NLGN1: variants seen among roughly 807,000 people sequenced by gnomAD.
NLGN1 encodes neuroligin 1.
A neutral mutation model predicts 65.5 loss-of-function variants in NLGN1; 12 were observed. The ratio of observed to expected loss-of-function variants is 0.18; its 90% confidence interval spans 0.12 to 0.30. The LOEUF (loss-of-function observed/expected upper bound fraction) is 0.30. NLGN1 is among the 10% of genes least tolerant of loss of function. NLGN1 has a pLI of 1.00. For synonymous variants in NLGN1, 350 were observed against 359.5 expected (o/e 0.97, Z 0.30); for missense variants, 750 against 1,007.1 (o/e 0.74, Z 3.46).
chr3:174,167,017 G>A (rs939772220), intron 4 of NLGN1, among the ~76,000 whole-genome samples: 2 of 151,464 alleles, frequency 1.3e-5, no homozygotes, highest in Admixed American at 1.3e-4. Flanking sequence ...ACTCTTTTTT[G>A]TTTTCCTTTT....
intron 4 of NLGN1, among the ~76,000 whole-genome samples, chr3:173,835,920 A>G (rs180965741): frequency 2.0e-3 from 297 of 152,306 alleles, no homozygotes; most frequent in Non-Finnish European, 3.7e-3. Flanking sequence ...TATTTTTACA[A>G]TTCCTATTTC....
At chr3:174,112,387 G>A (rs1715429137) in intron 4 of NLGN1, among the ~76,000 whole-genome samples, 1 of 151,756 alleles carries the variant, frequency 6.6e-6, no homozygotes, top group Admixed American at 6.6e-5. Context: ...AATAATATGA[G>A]AACAAATTGA....
intron 3 of NLGN1, among the ~76,000 whole-genome samples, chr3:173,673,057 T>G (rs1225611759): frequency 6.6e-6 from 1 of 152,230 alleles, no homozygotes; most frequent in Non-Finnish European, 1.5e-5. Flanking sequence ...AGGTTGATGC[T>G]TTTAAGTACT....
chr3:173,954,156 G>A (rs534571355), intron 4 of NLGN1, among the ~76,000 whole-genome samples: 107 of 152,036 alleles, frequency 7.0e-4, no homozygotes, highest in Admixed American at 1.4e-3. Flanking sequence ...AAAAAAATGC[G>A]TATGTTTATT....
intron 4 of NLGN1, among the ~76,000 whole-genome samples, chr3:174,143,964 C>T (rs1018791238): frequency 1.3e-5 from 2 of 152,038 alleles, no homozygotes; most frequent in Admixed American, 6.6e-5. Flanking sequence ...ATGTACAGAG[C>T]ATGCAGGTTT....
At chr3:173,427,973 T>C (rs1716459511) in intron 1 of NLGN1, among the ~76,000 whole-genome samples, 1 of 151,954 alleles carries the variant, frequency 6.6e-6, no homozygotes, top group Non-Finnish European at 1.5e-5. Flanking sequence ...ATATTTGCTT[T>C]ATATATTTTT....
chr3:174,244,057 A>G (rs1376136320), intron 4 of NLGN1, among the ~76,000 whole-genome samples: 1 of 152,240 alleles, frequency 6.6e-6, no homozygotes, highest in Non-Finnish European at 1.5e-5. Flanking sequence ...CTAAGAATAC[A>G]TAATTCATAA....
At chr3:174,202,849 A>G (rs1281825214) in intron 4 of NLGN1, 2 of 152,218 alleles carry the variant, frequency 1.3e-5, no homozygotes, top group African/African-American at 2.4e-5. Flanking sequence ...GAAGTCAATG[A>G]GAGATACACA....
intron 4 of NLGN1, among the ~76,000 whole-genome samples, chr3:174,030,835 G>C (rs1247471260): frequency 6.6e-6 from 1 of 152,072 alleles, no homozygotes; most frequent in Non-Finnish European, 1.5e-5. Context: ...TTTCCCAAAG[G>C]CTCAGGACAT....
intron 1 of NLGN1, among the ~76,000 whole-genome samples, chr3:173,402,727 A>C (rs1717918583): frequency 6.6e-6 from 1 of 152,316 alleles, no homozygotes; most frequent in South Asian, 2.1e-4. Context: ...TCATGGATAT[A>C]TCTCTTTATC....
At chr3:173,461,774 T>C (rs1453611808) in intron 2 of NLGN1, among the ~76,000 whole-genome samples, 5 of 152,154 alleles carry the variant, frequency 3.3e-5, no homozygotes, top group Non-Finnish European at 5.9e-5. Flanking sequence ...AAAATCTCTC[T>C]TCTTCCCTGG....
chr3:173,964,129 A>G (rs1714265109), intron 4 of NLGN1, among the ~76,000 whole-genome samples: 1 of 152,148 alleles, frequency 6.6e-6, no homozygotes, highest in Non-Finnish European at 1.5e-5. Flanking sequence ...AACACATCCT[A>G]TGTGTGGAGA....
intron 4 of NLGN1, among the ~76,000 whole-genome samples, chr3:174,207,871 T>G (rs1399251379): frequency 6.6e-6 from 1 of 152,346 alleles, no homozygotes; most frequent in African/African-American, 2.4e-5. Flanking sequence ...GATGTACAAA[T>G]GAATTTCTCT....
intron 2 of NLGN1, among the ~76,000 whole-genome samples, chr3:173,461,467 A>G (rs1019686842): frequency 6.6e-6 from 1 of 152,154 alleles, no homozygotes; most frequent in Non-Finnish European, 1.5e-5. Flanking sequence ...CATTATATAG[A>G]CATGGATACT....
chr3:173,854,530 A>ATCTCT (rs1727581861), intron 4 of NLGN1, among the ~76,000 whole-genome samples: 1 of 152,124 alleles, frequency 6.6e-6, no homozygotes, highest in Non-Finnish European at 1.5e-5. Flanking sequence ...TTCTCTTCTT[A>ATCTCT]TCTACAAGAT....
At chr3:173,730,991 G>C (rs78741655) in intron 3 of NLGN1, among the ~76,000 whole-genome samples, 1 of 152,066 alleles carries the variant, frequency 6.6e-6, no homozygotes, top group Non-Finnish European at 1.5e-5. Flanking sequence ...TGTGCCTTGA[G>C]AAATCCCTTG....
At chr3:173,623,227 A>G (rs1041815938) in intron 3 of NLGN1, among the ~76,000 whole-genome samples, 3 of 152,150 alleles carry the variant, frequency 2.0e-5, no homozygotes, top group Non-Finnish European at 4.4e-5. Context: ...ATGCAAGTCA[A>G]CAATACTAGT....
At chr3:173,883,580 A>C (rs1263359059) in intron 4 of NLGN1, among the ~76,000 whole-genome samples, 1 of 152,156 alleles carries the variant, frequency 6.6e-6, no homozygotes, top group African/African-American at 2.4e-5. Flanking sequence ...AGTTTATATA[A>C]AAAAATAAAA....
intron 4 of NLGN1, among the ~76,000 whole-genome samples, chr3:173,820,666 A>G (rs1488934809): frequency 6.6e-6 from 1 of 152,178 alleles, no homozygotes. Flanking sequence ...TACTGAAATA[A>G]CAGTTATGTA....
Sources: gnomAD v4.1 joint callset for allele counts (sites outside exome capture counted in the v4.1 genomes callset) on GRCh38, gnomAD v4.1.1 for gene constraint, MANE v1.5 for transcripts, NCBI Gene and HGNC (gene_info 2026-07-23, HGNC 2026-07-21) for gene names.